The following ATXN1 variants were observed in gnomAD, a reference collection of about 807,000 sequenced individuals.
The protein encoded by ATXN1 is ataxin-1.
In ATXN1, 8 loss-of-function variants were observed where a neutral mutation model predicts 56.4. That is an observed-to-expected ratio of 0.14 (90% confidence interval 0.08 to 0.26). The LOEUF (loss-of-function observed/expected upper bound fraction) is 0.26, where lower values mean the gene tolerates loss of function less well. Among genes scored for constraint, ATXN1 ranks in the 10% least tolerant of loss-of-function variants. ATXN1 has a pLI of 1.00. For synonymous variants in ATXN1, 514 were observed against 494.6 expected (o/e 1.04, Z -0.52); for missense variants, 987 against 1,106.5 (o/e 0.89, Z 1.53).
chr6:16,589,482 G>A (rs1157771321), intron 3 of ATXN1, among the ~76,000 whole-genome samples: 3 of 151,044 alleles, frequency 2.0e-5, no homozygotes, highest in Non-Finnish European at 2.9e-5. Context: ...ATACACACAC[G>A]TTTCATACTG....
At chr6:16,401,580 C>T (rs1164418642) in intron 6 of ATXN1, among the ~76,000 whole-genome samples, 7 of 152,274 alleles carry the variant, frequency 4.6e-5, no homozygotes, top group Middle Eastern at 3.4e-3. Context: ...TAAGGTTAGA[C>T]AGCAACAAAA....
intron 4 of ATXN1, among the ~76,000 whole-genome samples, chr6:16,531,380 T>C (rs59158709): frequency 0.033 from 5,082 of 152,244 alleles, 284 homozygotes; most frequent in African/African-American, 0.11. Flanking sequence ...CCTAACACTT[T>C]GGGAGGCCGA....
At chr6:16,445,792 T>C (rs1408793420) in intron 6 of ATXN1, among the ~76,000 whole-genome samples, 33 of 150,694 alleles carry the variant, frequency 2.2e-4, no homozygotes, top group South Asian at 6.3e-4. Flanking sequence ...TTTGTCCTTG[T>C]GATAGTTTAC....
intron 3 of ATXN1, among the ~76,000 whole-genome samples, chr6:16,617,384 C>T (rs1335180112): frequency 6.6e-6 from 1 of 150,460 alleles, no homozygotes; most frequent in Non-Finnish European, 1.5e-5. Flanking sequence ...TCTATGTACA[C>T]ATGAAAGAAT....
At chr6:16,515,337 T>C (rs1761160856) in intron 5 of ATXN1, among the ~76,000 whole-genome samples, 1 of 151,940 alleles carries the variant, frequency 6.6e-6, no homozygotes, top group Admixed American at 6.6e-5. Flanking sequence ...TTGAAAAATC[T>C]CCAGTGACTG....
At chr6:16,535,715 C>A (rs1476383890) in intron 4 of ATXN1, among the ~76,000 whole-genome samples, 1 of 152,142 alleles carries the variant, frequency 6.6e-6, no homozygotes, top group South Asian at 2.1e-4. Context: ...TTCCTTCCAA[C>A]GAGTAGTACA....
At chr6:16,337,903 T>A (rs993304184) in intron 6 of ATXN1, among the ~76,000 whole-genome samples, 3 of 152,224 alleles carry the variant, frequency 2.0e-5, no homozygotes, top group African/African-American at 7.2e-5. Context: ...CAGTAAGAAC[T>A]GGGGTCAGGA....
intron 3 of ATXN1, among the ~76,000 whole-genome samples, chr6:16,613,137 C>T (rs1349749951): frequency 1.3e-5 from 2 of 149,450 alleles, no homozygotes; most frequent in Non-Finnish European, 3.0e-5. Flanking sequence ...CGGTGGCGGG[C>T]GCCTGTAGTC....
At chr6:16,312,393 A>C (rs1760413382) in intron 7 of ATXN1, among the ~76,000 whole-genome samples, 1 of 151,900 alleles carries the variant, frequency 6.6e-6, no homozygotes, top group South Asian at 2.1e-4. Context: ...AACGAACATA[A>C]CTAACTCCAT....
At chr6:16,416,098 A>AG (rs1758900867) in intron 6 of ATXN1, among the ~76,000 whole-genome samples, 1 of 151,962 alleles carries the variant, frequency 6.6e-6, no homozygotes, top group East Asian at 1.9e-4. Context: ...TTTCAAAAAA[A>AG]AAAAAAAAAA....
chr6:16,340,459 G>T (rs1003850251), intron 6 of ATXN1, among the ~76,000 whole-genome samples: 7 of 152,188 alleles, frequency 4.6e-5, no homozygotes, highest in African/African-American at 1.7e-4. Flanking sequence ...GAGGGCAACA[G>T]AAGCCCCATG....
chr6:16,621,463 T>C (rs1372599507), intron 3 of ATXN1, among the ~76,000 whole-genome samples: 1 of 152,248 alleles, frequency 6.6e-6, no homozygotes, highest in African/African-American at 2.4e-5. Context: ...GGCTCATGCC[T>C]GTAATCCCAA....
rs1006329442 is a variant in ATXN1, at chr6:16,469,034, A to G, written c.-161+16938T>C. Among the ~76,000 whole-genome samples, 7 of 152,366 alleles carry G rather than the reference A, an allele frequency of 4.6e-5. No homozygotes were observed. In the East Asian group the frequency reaches 1.2e-3, roughly 25 times the overall value. ...AAAATCTGCCAAAACTGTGCAACAG[A>G]GCTGGCCCTTGGCTGTCCAAACCTT... On this transcript the variant is annotated intron_variant, in intron 6 of 7. Transcript: ENST00000436367.
At chr6:16,706,131 C>CA (rs1038889248) in intron 2 of ATXN1, among the ~76,000 whole-genome samples, 3 of 152,114 alleles carry the variant, frequency 2.0e-5, no homozygotes, top group African/African-American at 7.2e-5. Flanking sequence ...CTTGTCTGAA[C>CA]AACTCCTCAT....
At chr6:16,660,905 C>A (rs1181176638) in intron 2 of ATXN1, among the ~76,000 whole-genome samples, 2 of 126,654 alleles carry the variant, frequency 1.6e-5, no homozygotes. Context: ...GTGGAGTGAT[C>A]TCAGCTCACT....
intron 3 of ATXN1, among the ~76,000 whole-genome samples, chr6:16,599,517 C>A (rs1023352071): frequency 6.6e-6 from 1 of 151,936 alleles, no homozygotes; most frequent in African/African-American, 2.4e-5. Flanking sequence ...TCGAAACCAT[C>A]CTGGCCAACA....
intron 4 of ATXN1, among the ~76,000 whole-genome samples, chr6:16,558,276 G>A (rs1337938791): frequency 7.0e-6 from 1 of 142,848 alleles, no homozygotes; most frequent in African/African-American, 2.7e-5. Flanking sequence ...ACTCCAGCCT[G>A]GGTGACAGAG....
At chr6:16,393,795 A>G (rs1209438159) in intron 6 of ATXN1, among the ~76,000 whole-genome samples, 2 of 152,138 alleles carry the variant, frequency 1.3e-5, no homozygotes, top group Non-Finnish European at 2.9e-5. Flanking sequence ...AGGTGGGAGG[A>G]TCACGAGGTC....
chr6:16,450,331 T>C (rs186978463), intron 6 of ATXN1, among the ~76,000 whole-genome samples: 5 of 152,348 alleles, frequency 3.3e-5, no homozygotes, highest in Admixed American at 2.0e-4. Flanking sequence ...TGGGAGCAAG[T>C]AGGCAAAGCC....
Sources: allele counts gnomAD v4.1 joint callset (sites outside exome capture counted in the v4.1 genomes callset), GRCh38; gene constraint gnomAD v4.1.1; transcripts MANE v1.5; gene names NCBI Gene and HGNC (gene_info 2026-07-23, HGNC 2026-07-21).